CARMIL1: variants seen among roughly 807,000 people sequenced by gnomAD.
CARMIL1 encodes F-actin-uncapping protein LRRC16A.
CARMIL1 carries 90 observed loss-of-function variants against 177.1 expected under a neutral mutation model. The ratio of observed to expected loss-of-function variants is 0.51; its 90% CI spans 0.43 to 0.61. CARMIL1 has a LOEUF of 0.61. Ranked by LOEUF, CARMIL1 falls within the 20% of genes least tolerant of loss-of-function variation. The pLI, the probability that CARMIL1 is intolerant of heterozygous loss-of-function variation, is 0.00. For synonymous variants in CARMIL1, 577 were observed against 606.2 expected (o/e 0.95, Z 0.71); for missense variants, 1,380 against 1,667.0 (o/e 0.83, Z 3.00).
intron 2 of CARMIL1, among the ~76,000 whole-genome samples, chr6:25,302,238 C>T (rs1220888098): frequency 3.3e-5 from 5 of 152,194 alleles, no homozygotes; most frequent in African/African-American, 4.8e-5. Context: ...CAAGTACCTC[C>T]ATGCAGCAAA....
intron 13 of CARMIL1, 42 bp from the exon 14 acceptor site, chr6:25,491,690 T>C: frequency 7.8e-7 from 1 of 1,284,728 alleles, no homozygotes; most frequent in Non-Finnish European, 1.1e-6. Context: ...TGTATGTGTG[T>C]GTTTCTAGAA....
chr6:25,475,962 T>A (rs1040019320), intron 11 of CARMIL1, among the ~76,000 whole-genome samples: 3 of 152,190 alleles, frequency 2.0e-5, no homozygotes, highest in Non-Finnish European at 4.4e-5. Flanking sequence ...GCACCTTGCT[T>A]CCTCTCATCC....
intron 26 of CARMIL1, among the ~76,000 whole-genome samples, chr6:25,546,669 C>CAAAAAAAAAAAA (rs58285338): frequency 1.5e-4 from 17 of 115,422 alleles, no homozygotes; most frequent in East Asian, 2.4e-4. Flanking sequence ...ACAACAACAA[C>CAAAAAAAAAAAA]AAAAAAAAAA....
At chr6:25,490,938 A>C (rs1231851468) in intron 13 of CARMIL1, among the ~76,000 whole-genome samples, 1 of 152,194 alleles carries the variant, frequency 6.6e-6, no homozygotes, top group Non-Finnish European at 1.5e-5. Flanking sequence ...GCAAGTATCC[A>C]GTGGCATCCA....
chr6:25,384,058 C>CG (rs1182436452), intron 2 of CARMIL1, among the ~76,000 whole-genome samples: 1 of 152,148 alleles, frequency 6.6e-6, no homozygotes, highest in Non-Finnish European at 1.5e-5. Flanking sequence ...AGGCAGGTCT[C>CG]GAACTCCTGA....
At chr6:25,478,886 A>G (rs1197471164) in intron 11 of CARMIL1, among the ~76,000 whole-genome samples, 2 of 151,790 alleles carry the variant, frequency 1.3e-5, no homozygotes, top group Admixed American at 1.3e-4. Flanking sequence ...CTATATTCTT[A>G]TACTCTTGGT....
chr6:25,545,598 A>G (rs576500774), intron 26 of CARMIL1, among the ~76,000 whole-genome samples: 66 of 152,312 alleles, frequency 4.3e-4, no homozygotes, highest in African/African-American at 1.5e-3. Flanking sequence ...CAGCTATTCA[A>G]TCAGTGCACA....
At chr6:25,445,288 T>C (rs1562146130) in intron 5 of CARMIL1, among the ~76,000 whole-genome samples, 3 of 152,212 alleles carry the variant, frequency 2.0e-5, no homozygotes, top group Non-Finnish European at 4.4e-5. Flanking sequence ...TATTGCTGTT[T>C]TCACCATATC....
At chr6:25,530,735 A>G (rs1023458183) in intron 24 of CARMIL1, among the ~76,000 whole-genome samples, 1 of 152,226 alleles carries the variant, frequency 6.6e-6, no homozygotes, top group African/African-American at 2.4e-5. Context: ...AAAGTACGCA[A>G]TATGAGGTAT....
chr6:25,309,354 CA>C (rs70975001), intron 2 of CARMIL1, among the ~76,000 whole-genome samples: 39,420 of 85,986 alleles, frequency 0.46, 6,052 homozygotes, highest in East Asian at 0.62. Flanking sequence ...GAGTCCCTCT[CA>C]AAAAAAAAAA....
In CARMIL1 at chr6:25,610,091, C is replaced by T; in HGVS notation, c.3889C>T (p.Leu1297Phe). The stretch of plus-strand genomic sequence containing the variant: ...TCCATCTAGCCCGAAAGTTGCCCTT[C>T]TTCCACCTGTCCTGAAAAAAGTTCC... Reference protein sequence around the residue: ...DSPSSPKVALLPPVLKKVPSD... With the variant: ...DSPSSPKVALFPPVLKKVPSD... Residue 1297 changes from leucine (L) to phenylalanine (F), a missense_variant, in exon 36 of 37, where the codon CTT (leucine) becomes TTT (phenylalanine). Transcript: ENST00000329474. 6.2e-7 allele frequency: 1 copy of T among 1,613,974 alleles called. No homozygotes were observed. Among genetic ancestry groups the T allele is most frequent in the Non-Finnish European group, 8.5e-7 (1 of 1,179,884 alleles).
At chr6:25,553,297 A>C (rs957999043) in intron 27 of CARMIL1, among the ~76,000 whole-genome samples, 2 of 152,220 alleles carry the variant, frequency 1.3e-5, no homozygotes, top group African/African-American at 4.8e-5. Flanking sequence ...CACACATGAA[A>C]GTGGAATTCT....
At chr6:25,539,541 C>G (rs1392593793) in intron 25 of CARMIL1, among the ~76,000 whole-genome samples, 1 of 145,032 alleles carries the variant, frequency 6.9e-6, no homozygotes, top group African/African-American at 2.5e-5. Flanking sequence ...AGGAGAATCG[C>G]TTGAACCCGG....
intron 23 of CARMIL1, among the ~76,000 whole-genome samples, chr6:25,523,408 A>G (rs932306294): frequency 5.8e-4 from 88 of 152,338 alleles, no homozygotes; most frequent in African/African-American, 2.1e-3. Context: ...AAAATAAATG[A>G]TGCAGTAGGT....
intron 31 of CARMIL1, among the ~76,000 whole-genome samples, chr6:25,587,142 A>G (rs1007918918): frequency 2.6e-5 from 4 of 152,208 alleles, no homozygotes; most frequent in African/African-American, 7.2e-5. Context: ...TTTGAGAACA[A>G]TGGATATAGA....
At chr6:25,582,762 T>C (rs767879181) in intron 31 of CARMIL1, among the ~76,000 whole-genome samples, 3 of 152,230 alleles carry the variant, frequency 2.0e-5, no homozygotes, top group Non-Finnish European at 4.4e-5. Flanking sequence ...TCCACTTCTC[T>C]ATACTTCTCT....
rs770518309 is a variant in CARMIL1, at chr6:25,284,796, T to G, written c.41-16T>G. The G allele has an allele frequency of 1.2e-5, 16 of 1,369,964 alleles. No homozygotes were observed. Among genetic ancestry groups the G allele is most frequent in the Non-Finnish European group, 1.6e-5 (16 of 986,200 alleles). The allele number at this position is 1,369,964 out of a possible 1,614,324, so 84.9% of individuals were successfully genotyped here. A position where few individuals can be genotyped will look rare whatever the true frequency, so the allele number is the denominator to read the frequency against. On this transcript the variant is annotated splice_polypyrimidine_tract_variant and intron_variant, in intron 1 of 36. Coordinates refer to ENST00000329474, the MANE Select transcript of CARMIL1 (RefSeq NM_017640.6). ...CTTTTTTTCTTATTAATAACATAATTCCTTTTTTTTTTCAGAAAGCATAAA... is the reference window on the plus strand; with the variant it reads ...CTTTTTTTCTTATTAATAACATAATGCCTTTTTTTTTTCAGAAAGCATAAA...
At position 25,450,548 on chromosome 6, in the gene CARMIL1, G is replaced by A. The variant is rs1273687939; in HGVS notation, c.541-90G>A. ...CACTTCTCAGATTACATAAAAACCT[G>A]CCATTGTCATTGTCTAATTCTCACT... On this transcript the variant is annotated intron_variant, in intron 7 of 36. Coordinates refer to ENST00000329474, the MANE Select transcript of CARMIL1 (RefSeq NM_017640.6). 8.4e-6 allele frequency: 9 copies of A among 1,068,080 alleles called. No homozygotes were observed. In the East Asian group the frequency reaches 1.8e-4, roughly 21 times the overall value. The allele number at this position is 1,068,080 out of a possible 1,614,324, so 66.2% of individuals were successfully genotyped here.
At chr6:25,292,339 C>T (rs2690132) in intron 2 of CARMIL1, among the ~76,000 whole-genome samples, 109,986 of 152,140 alleles carry the variant, frequency 0.72, 40,439 homozygotes, top group African/African-American at 0.85. Context: ...AGCAATAACA[C>T]TGAAACAATC....
Sources: gnomAD v4.1 joint callset for allele counts (sites outside exome capture counted in the v4.1 genomes callset) on GRCh38, gnomAD v4.1.1 for gene constraint, MANE v1.5 for transcripts, NCBI Gene and HGNC (gene_info 2026-07-23, HGNC 2026-07-21) for gene names.